Variants in NTM observed in about 807,000 individuals in gnomAD.
NTM encodes IgLON family member 2.
Under a neutral mutation model 42.1 loss-of-function variants are expected in NTM, and 13 were observed. That is an observed-to-expected ratio of 0.31 (90% CI 0.20 to 0.49). The LOEUF is 0.49. Ranked by LOEUF, NTM falls within the 20% of genes least tolerant of loss-of-function variation. The pLI is 0.99. For missense variants in NTM, 373 were observed against 452.8 expected, an observed-to-expected ratio of 0.82 and a Z score of 1.60; for synonymous variants, 187 against 179.2, an observed-to-expected ratio of 1.04 and a Z score of -0.35.
intron 1 of NTM, among the ~76,000 whole-genome samples, chr11:131,492,740 C>A (rs1014783130): frequency 1.3e-5 from 2 of 152,088 alleles, no homozygotes; most frequent in African/African-American, 4.8e-5. Flanking sequence ...AAAAATGGGA[C>A]CAGATGATGG....
intron 2 of NTM, among the ~76,000 whole-genome samples, chr11:132,092,325 G>A (rs1196864503): frequency 6.6e-6 from 1 of 152,064 alleles, no homozygotes; most frequent in Non-Finnish European, 1.5e-5. Context: ...CTTCCTCAGA[G>A]TGCCTGGCCT....
chr11:132,030,073 A>G (rs1014778586), intron 2 of NTM, among the ~76,000 whole-genome samples: 4 of 151,970 alleles, frequency 2.6e-5, no homozygotes, highest in Non-Finnish European at 5.9e-5. Flanking sequence ...CATTTGTCTT[A>G]TTTTGTTACT....
intron 1 of NTM, among the ~76,000 whole-genome samples, chr11:131,566,463 G>A (rs1232160262): frequency 2.0e-5 from 3 of 151,954 alleles, no homozygotes; most frequent in Non-Finnish European, 4.4e-5. Flanking sequence ...GTGTGTGTGT[G>A]CACGTGTGCT....
chr11:131,448,701 G>A (rs578245662), intron 1 of NTM, among the ~76,000 whole-genome samples: 2 of 152,202 alleles, frequency 1.3e-5, no homozygotes, highest in African/African-American at 4.8e-5. Flanking sequence ...GGTTGCAGGA[G>A]AGAAGGCTGC....
At chr11:131,512,701 GC>G (rs753975703) in intron 1 of NTM, among the ~76,000 whole-genome samples, 2 of 152,154 alleles carry the variant, frequency 1.3e-5, no homozygotes, top group Non-Finnish European at 2.9e-5. Flanking sequence ...TCCTCTCCCA[GC>G]CCCAGCATGT....
chr11:131,688,866 C>T (rs2074284867), intron 1 of NTM, among the ~76,000 whole-genome samples: 2 of 152,224 alleles, frequency 1.3e-5, no homozygotes, highest in Admixed American at 6.5e-5. Flanking sequence ...GTGTCCCATC[C>T]CCGTCTGAGA....
intron 1 of NTM, among the ~76,000 whole-genome samples, chr11:131,549,758 C>A (rs930533058): frequency 2.6e-5 from 4 of 152,250 alleles, no homozygotes; most frequent in African/African-American, 9.6e-5. Flanking sequence ...TACATGCAGC[C>A]TTTAAAAGAT....
At chr11:132,231,857 T>C (rs1373820013) in intron 4 of NTM, among the ~76,000 whole-genome samples, 1 of 111,708 alleles carries the variant, frequency 9.0e-6, no homozygotes, top group Non-Finnish European at 1.9e-5. Context: ...CTGGCCTCAT[T>C]TGATATTAAA....
At chr11:132,264,570 C>G (rs1380240360) in intron 4 of NTM, among the ~76,000 whole-genome samples, 1 of 152,138 alleles carries the variant, frequency 6.6e-6, no homozygotes, top group African/African-American at 2.4e-5. Flanking sequence ...TTTGCTTAGG[C>G]AGGCTTGCAT....
chr11:131,607,820 C>G (rs1251465571), intron 1 of NTM, among the ~76,000 whole-genome samples: 1 of 152,042 alleles, frequency 6.6e-6, no homozygotes, highest in East Asian at 1.9e-4. Flanking sequence ...GGTGATGATT[C>G]TATTTTGTTT....
intron 1 of NTM, among the ~76,000 whole-genome samples, chr11:131,374,500 A>G (rs1941697456): frequency 6.6e-6 from 1 of 152,186 alleles, no homozygotes; most frequent in Non-Finnish European, 1.5e-5. Context: ...ATCAGCTGCA[A>G]TGTACAGTCC....
intron 4 of NTM, among the ~76,000 whole-genome samples, chr11:132,255,670 G>A (rs780032935): frequency 2.6e-5 from 4 of 152,100 alleles, no homozygotes; most frequent in African/African-American, 4.8e-5. Flanking sequence ...GTCCTAATGC[G>A]GCTGCCCTCA....
chr11:131,743,217 T>A (rs2081396048), intron 1 of NTM, among the ~76,000 whole-genome samples: 1 of 151,874 alleles, frequency 6.6e-6, no homozygotes, highest in Non-Finnish European at 1.5e-5. Context: ...TGCATTTCAC[T>A]GGTTATTGTT....
intron 2 of NTM, among the ~76,000 whole-genome samples, chr11:131,989,277 G>T (rs1016605010): frequency 1.3e-5 from 2 of 152,128 alleles, no homozygotes; most frequent in Non-Finnish European, 2.9e-5. Flanking sequence ...TTTCAAAACA[G>T]CAATTTTTAA....
chr11:131,970,737 G>A (rs1286850245), intron 2 of NTM, among the ~76,000 whole-genome samples: 1 of 152,126 alleles, frequency 6.6e-6, no homozygotes, highest in East Asian at 1.9e-4. Context: ...ACAGATGCAG[G>A]GTGGCTGAGG....
intron 2 of NTM, among the ~76,000 whole-genome samples, chr11:131,924,069 G>C (rs186486064): frequency 6.6e-6 from 1 of 152,226 alleles, no homozygotes; most frequent in African/African-American, 2.4e-5. Flanking sequence ...CAGTGGGCCC[G>C]TGGTGGGCAG....
At chr11:131,766,991 C>T (rs1201138521) in intron 1 of NTM, 4 of 196,340 alleles carry the variant, frequency 2.0e-5, no homozygotes, top group Non-Finnish European at 2.8e-5. Flanking sequence ...TTTGTCTTAG[C>T]GCCTATTTTT....
At position 132,280,661 on chromosome 11, in the gene NTM, T is replaced by A. The variant is rs1024650049; in HGVS notation, c.527-27028T>A. On this transcript the variant is annotated intron_variant, in intron 4 of 8. Coordinates refer to ENST00000683400, the MANE Select transcript of NTM (RefSeq NM_001352005.2). ...CCACCACACCCAGCTGATTTTTGTA[T>A]TTTTAGTAGAGACAGGGTTTCACCA... 1.3e-5 allele frequency among the ~76,000 whole-genome samples: 2 copies of A among 151,976 alleles called. 1 individual carries two copies. The highest frequency in any genetic ancestry group is 4.2e-4 in the South Asian group (2 of 4,810).
At chr11:132,278,668 C>T (rs899407331) in intron 4 of NTM, among the ~76,000 whole-genome samples, 2 of 152,098 alleles carry the variant, frequency 1.3e-5, no homozygotes, top group Admixed American at 1.3e-4. Context: ...TTGGAAAACA[C>T]ATTCTGTCTT....
Sources: gnomAD v4.1 joint callset for allele counts (sites outside exome capture counted in the v4.1 genomes callset) on GRCh38, gnomAD v4.1.1 for gene constraint, MANE v1.5 for transcripts, NCBI Gene and HGNC (gene_info 2026-07-23, HGNC 2026-07-21) for gene names.